The following PAX2 variants were observed in gnomAD, a reference collection of about 807,000 sequenced individuals.
The protein encoded by PAX2 is paired box protein Pax-2.
In PAX2, 9 loss-of-function variants were observed where a neutral mutation model predicts 41.7. That is an observed-to-expected ratio of 0.22 (90% CI 0.13 to 0.38). PAX2 has a LOEUF of 0.38. Ranked by LOEUF, PAX2 falls within the 10% of genes least tolerant of loss-of-function variation. The pLI is 1.00. For synonymous variants in PAX2, 221 were observed against 212.7 expected (o/e 1.04, Z -0.34); for missense variants, 418 against 531.6 (o/e 0.79, Z 2.10).
intron 3 of PAX2, among the ~76,000 whole-genome samples, chr10:100,760,056 A>C (rs1845781388): frequency 6.6e-6 from 1 of 152,214 alleles, no homozygotes; most frequent in African/African-American, 2.4e-5. Flanking sequence ...GAGGGCAAGC[A>C]GTGGTGCCTG....
At chr10:100,798,331 G>T (rs1031205719) in intron 5 of PAX2, among the ~76,000 whole-genome samples, 2 of 151,832 alleles carry the variant, frequency 1.3e-5, no homozygotes, top group Admixed American at 1.3e-4. Flanking sequence ...GGCCAGGCTG[G>T]TCTTGACCTC....
chr10:100,743,807 T>C (rs1489090867), upstream of PAX2, among the ~76,000 whole-genome samples: 9 of 152,208 alleles, frequency 5.9e-5, no homozygotes, highest in African/African-American at 1.9e-4. Context: ...CCTTAGAGGC[T>C]AGGCCCTGCG....
In PAX2 at chr10:100,759,521, G is replaced by T. The variant is rs185771045; in HGVS notation, c.410+8630G>T. Among the ~76,000 whole-genome samples, 203 of 152,284 alleles carry T rather than the reference G, an allele frequency of 1.3e-3. 1 individual carries two copies. The highest frequency in any genetic ancestry group is 6.8e-3 in the Middle Eastern group (2 of 294). On this transcript the variant is annotated intron_variant, in intron 3 of 9. Coordinates refer to ENST00000355243, the MANE Select transcript of PAX2 (RefSeq NM_000278.5). ...AGGCCCCTGCCTGCTGGGGGTTGCA[G>T]ATTCGAGAGCCATCTCCACCCAGAG...
intron 7 of PAX2, among the ~76,000 whole-genome samples, 188 bp downstream of exon 7, chr10:100,809,424 G>A (rs962756434): frequency 6.6e-6 from 1 of 152,184 alleles, no homozygotes; most frequent in African/African-American, 2.4e-5. Context: ...CTGGGGTCAG[G>A]GCATCTGTGG....
At position 100,750,009 on chromosome 10, in the gene PAX2, G is replaced by A. The variant is rs1401803446; in HGVS notation, c.212+95G>A. 2.1e-6 allele frequency: 3 copies of A among 1,425,512 alleles called. No individual in the cohort carries two copies. The African/African-American group carries it at 4.2e-5, about 20-fold the overall frequency. 88.3% of individuals were successfully genotyped at this position (1,425,512 alleles called of 1,614,324 possible). ...GAGGACGTGGCTAAAAGTCCAGCGT[G>A]CCAAGCCAGAGAGGGAGATCCCCAA... is the stretch of plus-strand genomic sequence containing the variant. On this transcript the variant is annotated intron_variant, in intron 2 of 9. Coordinates refer to ENST00000355243, the MANE Select transcript of PAX2 (RefSeq NM_000278.5). This position sits in a 1 kb window ranked among gnomAD's most constrained non-coding sequence, Gnocchi z 4.1.
intron 3 of PAX2, among the ~76,000 whole-genome samples, chr10:100,752,739 G>T (rs1307748588): frequency 6.6e-6 from 1 of 152,184 alleles, no homozygotes; most frequent in African/African-American, 2.4e-5. Context: ...AACAAGTCAG[G>T]TGTGGTGGCC....
chr10:100,767,161 A>G lies in PAX2; in HGVS notation c.411-12337A>G, dbSNP rs554979565. On this transcript the variant is annotated intron_variant, in intron 3 of 9. Coordinates refer to ENST00000355243, the MANE Select transcript of PAX2 (RefSeq NM_000278.5). Reference sequence around the variant, plus strand: ...ACACCCATACCCACAGGCTGAAATCATGTGGCCACTTGAGCCACATGGGCA... The same window carrying G: ...ACACCCATACCCACAGGCTGAAATCGTGTGGCCACTTGAGCCACATGGGCA... 2.6e-5 allele frequency among the ~76,000 whole-genome samples: 4 copies of G among 152,316 alleles called. No individual in the cohort carries two copies. The East Asian group carries it at 7.7e-4, about 29-fold the overall frequency.
intron 3 of PAX2, among the ~76,000 whole-genome samples, chr10:100,777,169 T>G (rs1208804633): frequency 6.8e-6 from 1 of 147,278 alleles, no homozygotes; most frequent in East Asian, 2.1e-4. Context: ...AGGCACAATC[T>G]CAGCTCACTG....
intron 5 of PAX2, among the ~76,000 whole-genome samples, chr10:100,796,752 G>A (rs1847353250): frequency 6.6e-6 from 1 of 152,134 alleles, no homozygotes; most frequent in South Asian, 2.1e-4. Context: ...AGACATGCTT[G>A]CTTTCTCCCT....
chr10:100,771,955 C>T (rs12242435), intron 3 of PAX2, among the ~76,000 whole-genome samples: 2,926 of 152,084 alleles, frequency 0.019, 112 homozygotes, highest in African/African-American at 0.068. Context: ...TACAGGCATC[C>T]GCCACCATGC....
At chr10:100,739,026 C>CAA (rs1844862581) in intron 1 of PAX2, among the ~76,000 whole-genome samples, 1 of 150,752 alleles carries the variant, frequency 6.6e-6, no homozygotes, top group Non-Finnish European at 1.5e-5. Context: ...CACACACACA[C>CAA]ACACACACAC....
In PAX2 at chr10:100,749,756, G is replaced by T. The variant is rs752773330; in HGVS notation, c.54G>T (p.Gly18=). ...CTTGTCTCTCCCCAGCAGGGCACGGGGGTGTGAACCAGCTCGGGGGGGTGT... is the reference window on the plus strand; with the variant it reads ...CTTGTCTCTCCCCAGCAGGGCACGGTGGTGTGAACCAGCTCGGGGGGGTGT... The part of the protein sequence containing the change: ...DPFSAMHPGH[G]GVNQLGGVFV... The change falls in exon 2 of 10, where the codon GGG becomes GGT. Residue 18 remains glycine, a synonymous_variant. Transcript: ENST00000355243. 22 of 1,610,926 alleles carry T rather than the reference G, an allele frequency of 1.4e-5. No individual in the cohort carries two copies. The highest frequency in any genetic ancestry group is 1.9e-5 in the Non-Finnish European group (22 of 1,178,180).
intron 5 of PAX2, among the ~76,000 whole-genome samples, chr10:100,784,587 C>G (rs967062630): frequency 1.3e-5 from 2 of 152,214 alleles, no homozygotes; most frequent in Non-Finnish European, 2.9e-5. Context: ...TTCTTCAGCT[C>G]TAACAATGTC....
chr10:100,778,784 C>T (rs372551118), intron 3 of PAX2, among the ~76,000 whole-genome samples: 54 of 152,228 alleles, frequency 3.5e-4, no homozygotes, highest in East Asian at 1.9e-3. Context: ...CTGGCAAAGA[C>T]GCTGCAATCC....
rs1217717619 is a variant in PAX2, at chr10:100,769,659, TAAAATA to T, written c.411-9835_411-9830del. ...TAAAATAAAATAAAATAAAATAAAA[TAAAATA>T]AAATAAAAAAATAAAAAACAAAAAA... On this transcript the variant is annotated intron_variant, in intron 3 of 9. Transcript: ENST00000355243. Among the ~76,000 whole-genome samples the T allele has an allele frequency of 4.9e-3, 731 of 149,298 alleles. 10 individuals are homozygous for T. Among genetic ancestry groups the T allele is most frequent in the African/African-American group, 0.017 (700 of 40,844 alleles).
chr10:100,760,258 G>A (rs566515884), intron 3 of PAX2, among the ~76,000 whole-genome samples: 1 of 152,298 alleles, frequency 6.6e-6, no homozygotes, highest in Non-Finnish European at 1.5e-5. Context: ...GGGAGTTGGT[G>A]GTTTGCTATT....
chr10:100,741,325 A>T (rs936265554), upstream of PAX2, among the ~76,000 whole-genome samples: 62 of 151,886 alleles, frequency 4.1e-4, no homozygotes, highest in Non-Finnish European at 8.1e-4. Flanking sequence ...AGATGAAAAA[A>T]AAAAGAAAGT....
rs1479273415 is a variant in PAX2 at position 100,826,228 on chromosome 10, C to T, written c.1022-781C>T. ...TCCCCCACCCCCACCCCAGCTCCCT[C>T]TCAGAGAGGGGCCCCTTCTCCTCTA... On this transcript the variant is annotated intron_variant, in intron 8 of 9. Coordinates refer to ENST00000355243, the MANE Select transcript of PAX2 (RefSeq NM_000278.5). This position sits in a 1 kb window ranked among gnomAD's most constrained non-coding sequence, Gnocchi z 5.5. Among the ~76,000 whole-genome samples the T allele has an allele frequency of 6.6e-6, 1 of 151,444 alleles. No individual in the cohort carries two copies. Among genetic ancestry groups the T allele is most frequent in the Non-Finnish European group, 1.5e-5 (1 of 67,806 alleles).
chr10:100,786,981 G>A, intron 5 of PAX2: 1 of 1,390,408 alleles, frequency 7.2e-7, no homozygotes, highest in East Asian at 3.7e-5. Flanking sequence ...TAGAGGAGGT[G>A]GAGGTTTGCA....
Sources: gnomAD v4.1 joint callset for allele counts (sites outside exome capture counted in the v4.1 genomes callset) on GRCh38, gnomAD v4.1.1 for gene constraint, Gnocchi (gnomAD v3.1) non-coding constraint, MANE v1.5 for transcripts, NCBI Gene and HGNC (gene_info 2026-07-23, HGNC 2026-07-21) for gene names.